ZNF264: variants seen among roughly 807,000 people sequenced by gnomAD.
ZNF264 encodes zinc finger protein 264.
Under a neutral mutation model 11.2 loss-of-function variants are expected in ZNF264, and 11 were observed. That is an observed-to-expected ratio of 0.98 (90% confidence interval 0.62 to 1.63). The LOEUF (loss-of-function observed/expected upper bound fraction) is 1.63, where lower values mean the gene tolerates loss of function less well. Among genes scored for constraint, ZNF264 ranks in the 40% most tolerant of loss-of-function variants. ZNF264 has a pLI of 0.00. For synonymous variants in ZNF264, 309 were observed against 279.8 expected, an observed-to-expected ratio of 1.10 and a Z score of -1.04; for missense variants, 752 against 768.1, an observed-to-expected ratio of 0.98 and a Z score of 0.25.
In ZNF264 at chr19:57,211,714, G is replaced by C; in HGVS notation, c.617G>C (p.Ser206Thr). 1.2e-6 allele frequency: 2 copies of C among 1,614,162 alleles called. No individual in the cohort carries two copies. The highest frequency in any genetic ancestry group is 2.2e-5 in the East Asian group (1 of 44,888). The change falls in exon 4 of 4, where the codon AGT (serine) becomes ACT (threonine). Residue 206 changes from serine (S) to threonine (T), a missense_variant. Transcript: ENST00000263095. Reference protein sequence around the residue: ...IQEEENNFKCSECGKVFNKKH... With the variant: ...IQEEENNFKCTECGKVFNKKH... ...GAAGAGGAAAATAACTTTAAATGCA[G>C]TGAATGTGGAAAAGTATTTAACAAG...
intron 2 of ZNF264, among the ~76,000 whole-genome samples, chr19:57,199,399 A>G (rs1337537229): frequency 2.0e-5 from 3 of 151,848 alleles, no homozygotes. Context: ...CATCATCCCA[A>G]TCTCCCTAAG....
Position 57,212,861 on chromosome 19 carries a change from T to A in ZNF264, c.1764T>A (p.Leu588=), listed in dbSNP as rs199576669. Residue 588 remains leucine (L), a synonymous_variant, in exon 4 of 4, where the codon CTT becomes CTA. Coordinates refer to ENST00000263095, the MANE Select transcript of ZNF264 (RefSeq NM_003417.5). ...SGQTSVTLRE[L]LLGKDFLNVT... ...AAACCTCAGTTACCCTTCGAGAACT[T>A]CTTTTAGGGAAGGACTTTTTGAATG... 1.9e-4 allele frequency: 300 copies of A among 1,614,006 alleles called. 1 individual carries two copies. Among genetic ancestry groups the A allele is most frequent in the Middle Eastern group, 1.2e-3 (7 of 6,084 alleles).
rs2087188833 is a variant in ZNF264, at chr19:57,193,322, G to A, written c.34-553G>A. The stretch of plus-strand genomic sequence containing the variant: ...TAATAAAAATCCCAGAGCACACTGA[G>A]CATTGAATACTTTAAATTTAACAAC... On this transcript the variant is annotated intron_variant, in intron 1 of 3. Transcript: ENST00000263095. Among the ~76,000 whole-genome samples the A allele has an allele frequency of 2.0e-5, 3 of 152,206 alleles. No homozygotes were observed. The South Asian group carries it at 6.2e-4, about 31-fold the overall frequency.
intron 3 of ZNF264, among the ~76,000 whole-genome samples, chr19:57,207,260 G>A (rs1051010446): frequency 1.3e-5 from 2 of 152,136 alleles, no homozygotes; most frequent in Admixed American, 1.3e-4. Flanking sequence ...GACAGTTTTT[G>A]TCTCCAGGCA....
At chr19:57,192,088 A>T (rs2087177841) in intron 1 of ZNF264, 142 bp downstream of exon 1, 3 of 829,452 alleles carry the variant, frequency 3.6e-6, no homozygotes, top group African/African-American at 1.8e-5. Flanking sequence ...TTGCCACTTA[A>T]TTTATACCTG....
At chr19:57,194,309 G>T (rs747729158) in intron 2 of ZNF264, 21 of 443,928 alleles carry the variant, frequency 4.7e-5, no homozygotes, top group Non-Finnish European at 7.9e-6. Context: ...GAACCACCAC[G>T]ATGGTGTCCT....
At chr19:57,202,054 A>G (rs1406706586) in intron 2 of ZNF264, among the ~76,000 whole-genome samples, 1 of 151,660 alleles carries the variant, frequency 6.6e-6, no homozygotes, top group African/African-American at 2.4e-5. Context: ...AAAAAAATCA[A>G]AAAAATTATC....
intron 2 of ZNF264, among the ~76,000 whole-genome samples, chr19:57,196,974 G>A (rs902641523): frequency 3.3e-5 from 5 of 151,878 alleles, no homozygotes; most frequent in Non-Finnish European, 7.3e-5. Flanking sequence ...ATTTCCCTTC[G>A]CCACTCTCCT....
chr19:57,200,193 A>G (rs900489251), intron 2 of ZNF264, among the ~76,000 whole-genome samples: 2 of 151,788 alleles, frequency 1.3e-5, no homozygotes, highest in African/African-American at 4.9e-5. Context: ...AGGTGCATGC[A>G]CAGCCTCACC....
rs927008021 is a variant in ZNF264, at chr19:57,216,933, G to A, written c.*3952G>A. On this transcript the variant is annotated 3_prime_UTR_variant, in exon 4 of 4. Coordinates refer to ENST00000263095, the MANE Select transcript of ZNF264 (RefSeq NM_003417.5). Reference sequence around the variant, plus strand: ...TTAGTATAGATCCTCCTTGACTTATGATGGGGTTATGTCACAATAAACCCA... The same window carrying A: ...TTAGTATAGATCCTCCTTGACTTATAATGGGGTTATGTCACAATAAACCCA... 3 of 150,792 alleles carry A rather than the reference G, an allele frequency of 2.0e-5. No individual in the cohort carries two copies. Among genetic ancestry groups the A allele is most frequent in the Non-Finnish European group, 4.4e-5 (3 of 67,824 alleles). 9.3% of individuals were successfully genotyped at this position (150,792 alleles called of 1,614,324 possible).
intron 2 of ZNF264, among the ~76,000 whole-genome samples, chr19:57,196,055 G>A (rs2087209584): frequency 6.6e-6 from 1 of 151,784 alleles, no homozygotes; most frequent in South Asian, 2.1e-4. Context: ...GCCTACTGGA[G>A]AACTTTGCCC....
intron 3 of ZNF264, among the ~76,000 whole-genome samples, chr19:57,206,661 G>C (rs1010869324): frequency 6.6e-6 from 1 of 151,856 alleles, no homozygotes; most frequent in Non-Finnish European, 1.5e-5. Context: ...ACCTTAAAGA[G>C]TGATGCTATG....
chr19:57,196,530 G>A (rs542291765), intron 2 of ZNF264, among the ~76,000 whole-genome samples: 2 of 152,048 alleles, frequency 1.3e-5, no homozygotes, highest in African/African-American at 4.8e-5. Context: ...AGCCAGGTCA[G>A]CCTTGGTAAG....
chr19:57,212,053 A>G lies in ZNF264; in HGVS notation c.956A>G (p.Glu319Gly). The G allele has an allele frequency of 1.2e-6, 2 of 1,614,032 alleles. No individual in the cohort carries two copies. Among genetic ancestry groups the G allele is most frequent in the Non-Finnish European group, 1.7e-6 (2 of 1,179,992 alleles). The change falls in exon 4 of 4, where the codon GAA becomes GGA. Residue 319 changes from glutamate to glycine, a missense_variant. By Grantham distance (98) the Glu-to-Gly change is moderately conservative. Coordinates refer to ENST00000263095, the MANE Select transcript of ZNF264 (RefSeq NM_003417.5). ...GGAGAAAAATCCTTTGTGTGCACAGAATGTGGCCAAGTCTTTCGACATAGG... is the reference window on the plus strand; with the variant it reads ...GGAGAAAAATCCTTTGTGTGCACAGGATGTGGCCAAGTCTTTCGACATAGG... Reference protein sequence around the residue: ...HTGEKSFVCTECGQVFRHRPG... With the variant: ...HTGEKSFVCTGCGQVFRHRPG...
At chr19:57,199,960 C>T (rs2122742253) in intron 2 of ZNF264, among the ~76,000 whole-genome samples, 1 of 150,744 alleles carries the variant, frequency 6.6e-6, no homozygotes, top group East Asian at 1.9e-4. Flanking sequence ...TTGGGGATGC[C>T]ATTTTCCTTT....
chr19:57,191,816 G>T lies in ZNF264; in HGVS notation c.-98G>T, dbSNP rs1338104647. ...GGAGGCGGCGGCCCCGAGCGCGCCT[G>T]GAAGCCCCGGGCAACCGGCCAGGGT... On this transcript the variant is annotated 5_prime_UTR_variant, in exon 1 of 4. Coordinates refer to ENST00000263095, the MANE Select transcript of ZNF264 (RefSeq NM_003417.5). 2 of 1,035,952 alleles carry T rather than the reference G, an allele frequency of 1.9e-6. No homozygotes were observed. Among genetic ancestry groups the T allele is most frequent in the African/African-American group, 3.3e-5 (2 of 60,534 alleles). 64.2% of individuals were successfully genotyped at this position (1,035,952 alleles called of 1,614,324 possible). A position where few individuals can be genotyped will look rare whatever the true frequency, so the allele number is the denominator to read the frequency against.
chr19:57,191,874 G>A lies in ZNF264; in HGVS notation c.-40G>A, dbSNP rs752195786. 9 of 1,327,140 alleles carry A rather than the reference G, an allele frequency of 6.8e-6. No homozygotes were observed. The highest frequency in any genetic ancestry group is 8.7e-6 in the Non-Finnish European group (9 of 1,036,466). The allele number at this position is 1,327,140 out of a possible 1,614,324, so 82.2% of individuals were successfully genotyped here. Reference sequence around the variant, plus strand: ...AGGTGGGGTCCGTCAGGCCGCCCGGGGCTCCTCTGTCCCAGCTCTGCGGCC... The same window carrying A: ...AGGTGGGGTCCGTCAGGCCGCCCGGAGCTCCTCTGTCCCAGCTCTGCGGCC... On this transcript the variant is annotated 5_prime_UTR_variant, in exon 1 of 4. Coordinates refer to ENST00000263095, the MANE Select transcript of ZNF264 (RefSeq NM_003417.5).
chr19:57,194,108 G>C, intron 2 of ZNF264, 107 bp downstream of exon 2: 2 of 1,456,954 alleles, frequency 1.4e-6, no homozygotes, highest in Admixed American at 4.7e-5. Flanking sequence ...AATCTACCTT[G>C]CCTCTTTCCC....
At chr19:57,201,553 C>T (rs1482126975) in intron 2 of ZNF264, among the ~76,000 whole-genome samples, 1 of 151,980 alleles carries the variant, frequency 6.6e-6, no homozygotes, top group East Asian at 1.9e-4. Flanking sequence ...TGTGAGGAGC[C>T]TCAGCCTTGT....
Sources: gnomAD v4.1 joint callset for allele counts (sites outside exome capture counted in the v4.1 genomes callset) on GRCh38, gnomAD v4.1.1 for gene constraint, MANE v1.5 for transcripts, NCBI Gene and HGNC (gene_info 2026-07-23, HGNC 2026-07-21) for gene names.